The following TENM4 variants were observed in gnomAD, a reference collection of about 807,000 sequenced individuals.
The protein encoded by TENM4 is teneurin transmembrane protein 4, also known as teneurin-4.
TENM4 carries 82 observed loss-of-function variants against 243.3 expected under a neutral mutation model. The observed-to-expected ratio is 0.34, with a 90% confidence interval of 0.28 to 0.40. The LOEUF is 0.40. TENM4 is among the 10% of genes least tolerant of loss of function. TENM4 has a pLI of 1.00. For synonymous variants in TENM4, 1,412 were observed against 1,456.3 expected (o/e 0.97, Z 0.69); for missense variants, 3,138 against 3,673.3 (o/e 0.85, Z 3.77).
chr11:78,873,799 C>T (rs1247320966), intron 9 of TENM4, among the ~76,000 whole-genome samples: 3 of 152,268 alleles, frequency 2.0e-5, no homozygotes, highest in African/African-American at 2.4e-5. Context: ...CAATGGTCTA[C>T]GCTACTTCTG....
intron 1 of TENM4, among the ~76,000 whole-genome samples, chr11:79,334,465 C>G (rs1019491514): frequency 1.3e-5 from 2 of 152,144 alleles, no homozygotes; most frequent in African/African-American, 4.8e-5. Flanking sequence ...TTCTCTATTC[C>G]CTGAGCACTT....
chr11:79,380,081 C>T (rs888086336), intron 1 of TENM4, among the ~76,000 whole-genome samples: 1 of 152,166 alleles, frequency 6.6e-6, no homozygotes, highest in Non-Finnish European at 1.5e-5. Context: ...CAATTGTTCT[C>T]TGTCTACAGA....
At chr11:79,295,282 T>C (rs1856430523) in intron 2 of TENM4, among the ~76,000 whole-genome samples, 1 of 152,204 alleles carries the variant, frequency 6.6e-6, no homozygotes, top group Non-Finnish European at 1.5e-5. Flanking sequence ...GAACCAGCTC[T>C]CCTCAGGAGA....
At chr11:79,112,872 G>A (rs1002862046) in intron 4 of TENM4, among the ~76,000 whole-genome samples, 1 of 152,044 alleles carries the variant, frequency 6.6e-6, no homozygotes, top group African/African-American at 2.4e-5. Context: ...TCACTTCCTG[G>A]TCACTTATAC....
At chr11:79,053,866 C>A (rs990466136) in intron 6 of TENM4, among the ~76,000 whole-genome samples, 1 of 152,210 alleles carries the variant, frequency 6.6e-6, no homozygotes, top group African/African-American at 2.4e-5. Flanking sequence ...CAAAGGAAAG[C>A]AACCAATTAC....
intron 12 of TENM4, among the ~76,000 whole-genome samples, chr11:78,847,043 T>G (rs1034406487): frequency 1.3e-5 from 2 of 152,228 alleles, no homozygotes; most frequent in Non-Finnish European, 2.9e-5. Context: ...CCTTATCTTT[T>G]CTTATTTTTC....
chr11:79,070,354 T>C (rs1860380765), intron 4 of TENM4, among the ~76,000 whole-genome samples: 1 of 152,112 alleles, frequency 6.6e-6, no homozygotes, highest in Non-Finnish European at 1.5e-5. Flanking sequence ...ACATCCCACA[T>C]GGAGCAGGGC....
At chr11:79,146,768 A>G (rs536645683) in intron 4 of TENM4, among the ~76,000 whole-genome samples, 1 of 152,196 alleles carries the variant, frequency 6.6e-6, no homozygotes, top group African/African-American at 2.4e-5. Flanking sequence ...AGCCCTATCC[A>G]CAGACTTTCA....
At chr11:79,241,414 A>G (rs781135097) in intron 2 of TENM4, among the ~76,000 whole-genome samples, 1 of 152,036 alleles carries the variant, frequency 6.6e-6, no homozygotes, top group East Asian at 1.9e-4. Flanking sequence ...TGGGGCCTGC[A>G]TGGCTGGCTT....
At chr11:78,959,220 T>C (rs535904605) in intron 6 of TENM4, among the ~76,000 whole-genome samples, 1 of 152,320 alleles carries the variant, frequency 6.6e-6, no homozygotes, top group Non-Finnish European at 1.5e-5. Context: ...TAGTTATATC[T>C]CGGAGGAAGG....
intron 28 of TENM4, among the ~76,000 whole-genome samples, chr11:78,699,241 A>T (rs1859046682): frequency 6.6e-6 from 1 of 152,218 alleles, no homozygotes; most frequent in Admixed American, 6.5e-5. Flanking sequence ...TGAACCTCAT[A>T]CTATTCCTAT....
At chr11:78,827,962 C>A (rs1857895374) in intron 12 of TENM4, among the ~76,000 whole-genome samples, 1 of 152,230 alleles carries the variant, frequency 6.6e-6, no homozygotes, top group Non-Finnish European at 1.5e-5. Context: ...CCCTAGTAGA[C>A]TGCAAATTCA....
intron 4 of TENM4, among the ~76,000 whole-genome samples, chr11:79,077,018 C>T (rs1860550471): frequency 6.6e-6 from 1 of 152,160 alleles, no homozygotes; most frequent in African/African-American, 2.4e-5. Context: ...GTTTGAACCT[C>T]AAGAAAAGGA....
chr11:78,881,719 TTCTA>T (rs2136274249), intron 9 of TENM4, among the ~76,000 whole-genome samples: 1 of 152,326 alleles, frequency 6.6e-6, no homozygotes, highest in East Asian at 1.9e-4. Context: ...TGTCAAACTC[TTCTA>T]TCATGGGGAG....
At chr11:79,316,762 G>A (rs973700290) in intron 1 of TENM4, among the ~76,000 whole-genome samples, 1 of 152,146 alleles carries the variant, frequency 6.6e-6, no homozygotes, top group Non-Finnish European at 1.5e-5. Context: ...TAGCCCTGGT[G>A]TTTTGCTCCT....
intron 1 of TENM4, among the ~76,000 whole-genome samples, chr11:79,399,566 G>T (rs1391854050): frequency 6.6e-6 from 1 of 152,102 alleles, no homozygotes; most frequent in Non-Finnish European, 1.5e-5. Flanking sequence ...TCAAAGCAAG[G>T]CTCCCTTATA....
chr11:79,061,345 G>A (rs1860080344), intron 6 of TENM4, among the ~76,000 whole-genome samples: 1 of 152,166 alleles, frequency 6.6e-6, no homozygotes, highest in Non-Finnish European at 1.5e-5. Context: ...GTCTTGGAAG[G>A]GATGTGGGAA....
intron 1 of TENM4, among the ~76,000 whole-genome samples, chr11:79,391,750 T>C (rs952381396): frequency 2.6e-5 from 4 of 152,338 alleles, no homozygotes; most frequent in Admixed American, 2.6e-4. Context: ...ACGTATCACA[T>C]AATATACAGT....
chr11:79,069,689 G>C (rs1415630776), intron 5 of TENM4, 33 bp downstream of exon 5: 2 of 1,530,046 alleles, frequency 1.3e-6, no homozygotes, highest in Admixed American at 4.0e-5. Context: ...GCTCACCTGC[G>C]CCTGAGGCCC....
Sources: allele counts gnomAD v4.1 joint callset (sites outside exome capture counted in the v4.1 genomes callset), GRCh38; gene constraint gnomAD v4.1.1; transcripts MANE v1.5; gene names NCBI Gene and HGNC (gene_info 2026-07-23, HGNC 2026-07-21).